Variants in SNTG1 observed in about 807,000 individuals in gnomAD.
SNTG1 encodes syntrophin gamma 1.
Under a neutral mutation model 74.7 loss-of-function variants are expected in SNTG1, and 39 were observed. That is an observed-to-expected ratio of 0.52 (90% CI 0.40 to 0.68). The LOEUF is 0.68. Ranked by LOEUF, SNTG1 falls within the 30% of genes least tolerant of loss-of-function variation. SNTG1 has a pLI of 0.00. For missense variants in SNTG1, 685 were observed against 609.5 expected, an observed-to-expected ratio of 1.12 and a Z score of -1.30; for synonymous variants, 254 against 217.1, an observed-to-expected ratio of 1.17 and a Z score of -1.49.
intron 1 of SNTG1, among the ~76,000 whole-genome samples, chr8:49,950,688 A>G (rs1809622719): frequency 6.6e-6 from 1 of 152,170 alleles, no homozygotes; most frequent in Non-Finnish European, 1.5e-5. Flanking sequence ...TAAAAGTAAT[A>G]TGTTGTGTAT....
intron 2 of SNTG1, among the ~76,000 whole-genome samples, chr8:50,219,945 A>T (rs565116160): frequency 5.6e-4 from 85 of 152,340 alleles, no homozygotes; most frequent in African/African-American, 1.8e-3. Flanking sequence ...CAAACATGAA[A>T]GTTTAATTCA....
intron 9 of SNTG1, among the ~76,000 whole-genome samples, chr8:50,520,847 T>C (rs2094173553): frequency 6.6e-6 from 1 of 152,148 alleles, no homozygotes. Context: ...GTTCAACCAT[T>C]GTGAAAGATA....
Position 50,792,814 on chromosome 8 carries a change from A to G in SNTG1, c.1539A>G (p.Ala513=), listed in dbSNP as rs540092501. ...TAASSATTSK[A]KYTT ...CCAGCTCTGCTACCACGAGCAAAGC[A>G]AAGTATACAACTTGACATACTGAAC... The change falls in exon 19 of 19, where the codon GCA becomes GCG. Residue 513 remains alanine (A), a synonymous_variant. Transcript: ENST00000642720. 1.2e-5 allele frequency: 19 copies of G among 1,611,926 alleles called. No homozygotes were observed. The South Asian group carries it at 1.4e-4, about 12-fold the overall frequency.
chr8:50,029,090 C>T (rs543532633), intron 1 of SNTG1, among the ~76,000 whole-genome samples: 24 of 151,066 alleles, frequency 1.6e-4, no homozygotes, highest in African/African-American at 5.6e-4. Context: ...ATCTTATTAA[C>T]AAGATTTATT....
At chr8:50,403,248 G>A (rs2092828962) in intron 4 of SNTG1, among the ~76,000 whole-genome samples, 1 of 152,142 alleles carries the variant, frequency 6.6e-6, no homozygotes, top group Admixed American at 6.5e-5. Flanking sequence ...TTTAGTTGGT[G>A]GTGAATAATG....
rs1379785602 is a variant in SNTG1, at chr8:50,650,337, C to T, written c.850-6572C>T. Among the ~76,000 whole-genome samples the T allele has an allele frequency of 2.6e-5, 4 of 151,680 alleles. No homozygotes were observed. The East Asian group carries it at 5.8e-4, about 22-fold the overall frequency. ...ATTTATTTAATTAATAAATTTAGACCTCATATAAAGAATGATTTAAATGTA... is the reference window on the plus strand; with the variant it reads ...ATTTATTTAATTAATAAATTTAGACTTCATATAAAGAATGATTTAAATGTA... On this transcript the variant is annotated intron_variant, in intron 13 of 18. Coordinates refer to ENST00000642720, the MANE Select transcript of SNTG1 (RefSeq NM_018967.5).
Position 50,656,830 on chromosome 8 carries a change from T to C in SNTG1, c.850-79T>C, listed in dbSNP as rs1352393173. The C allele has an allele frequency of 4.4e-6, 4 of 903,100 alleles. No homozygotes were observed. The African/African-American group carries it at 7.0e-5, about 16-fold the overall frequency. 55.9% of individuals were successfully genotyped at this position (903,100 alleles called of 1,614,324 possible). Reference sequence around the variant, plus strand: ...AAAAATACCTAAAATATTTTTAATATTTGCATCTAAATATTTTTAGATATA... The same window carrying C: ...AAAAATACCTAAAATATTTTTAATACTTGCATCTAAATATTTTTAGATATA... On this transcript the variant is annotated intron_variant, in intron 13 of 18. Transcript: ENST00000642720.
chr8:50,060,780 G>C (rs958416657), intron 1 of SNTG1, among the ~76,000 whole-genome samples: 1 of 151,932 alleles, frequency 6.6e-6, no homozygotes, highest in African/African-American at 2.4e-5. Context: ...GATATGTTTT[G>C]AGATTTGTTT....
Position 50,670,786 on chromosome 8 carries a change from C to A in SNTG1, c.1038+12123C>A, listed in dbSNP as rs1343273560. On this transcript the variant is annotated intron_variant, in intron 15 of 18. Transcript: ENST00000642720. The stretch of plus-strand genomic sequence containing the variant: ...CTGGAGGCATCACGCTACCTGACTT[C>A]AAACTATACTACAAGGCTACAGTAA... Among the ~76,000 whole-genome samples, 1,248 of 150,032 alleles carry A rather than the reference C, an allele frequency of 8.3e-3. 34 individuals are homozygous for A. Among genetic ancestry groups the A allele is most frequent in the African/African-American group, 0.029 (1,183 of 40,360 alleles).
chr8:50,064,449 C>T (rs1056939139), intron 1 of SNTG1, among the ~76,000 whole-genome samples: 1 of 152,192 alleles, frequency 6.6e-6, no homozygotes, highest in African/African-American at 2.4e-5. Context: ...TTTGTACATT[C>T]ATCTCCTAAT....
chr8:50,545,491 AATAT>A (rs60704745), intron 11 of SNTG1, among the ~76,000 whole-genome samples: 2 of 147,022 alleles, frequency 1.4e-5, no homozygotes, highest in Non-Finnish European at 3.0e-5. Context: ...ATGTTATATA[AATAT>A]ATATATATAT....
chr8:50,240,075 G>A (rs1052816021), intron 2 of SNTG1, among the ~76,000 whole-genome samples: 9 of 152,154 alleles, frequency 5.9e-5, no homozygotes, highest in African/African-American at 2.2e-4. Flanking sequence ...AGATATTGGG[G>A]TTAATGGAAA....
chr8:50,198,941 G>A (rs1420826456), intron 2 of SNTG1, among the ~76,000 whole-genome samples: 2 of 152,226 alleles, frequency 1.3e-5, no homozygotes, highest in African/African-American at 4.8e-5. Context: ...TGGTCACACT[G>A]TTTTTATTTT....
chr8:50,620,258 G>A (rs2094913138), intron 13 of SNTG1, among the ~76,000 whole-genome samples: 1 of 152,098 alleles, frequency 6.6e-6, no homozygotes, highest in Non-Finnish European at 1.5e-5. Context: ...AACTAGTGAC[G>A]TGGGGTGAGT....
chr8:50,347,923 T>C (rs1380719405), intron 2 of SNTG1, among the ~76,000 whole-genome samples: 1 of 152,224 alleles, frequency 6.6e-6, no homozygotes, highest in Non-Finnish European at 1.5e-5. Context: ...AGCCCAGCCC[T>C]CATGAGTCAT....
intron 4 of SNTG1, among the ~76,000 whole-genome samples, chr8:50,429,145 C>T (rs1019161747): frequency 1.3e-5 from 2 of 151,708 alleles, no homozygotes; most frequent in Non-Finnish European, 2.9e-5. Context: ...ACAAGCTGAT[C>T]CTAAAATTCA....
At chr8:50,148,869 G>T (rs538263124) in intron 1 of SNTG1, among the ~76,000 whole-genome samples, 1 of 152,320 alleles carries the variant, frequency 6.6e-6, no homozygotes, top group East Asian at 1.9e-4. Flanking sequence ...ACGTGTGCAT[G>T]TGCCTTGATA....
At chr8:50,477,695 T>C (rs905156141) in intron 8 of SNTG1, among the ~76,000 whole-genome samples, 3 of 152,156 alleles carry the variant, frequency 2.0e-5, no homozygotes, top group African/African-American at 7.2e-5. Context: ...AAGTGTACCA[T>C]AGTAATGAAG....
intron 13 of SNTG1, among the ~76,000 whole-genome samples, chr8:50,598,124 T>G (rs2094744442): frequency 6.6e-6 from 1 of 151,916 alleles, no homozygotes; most frequent in African/African-American, 2.4e-5. Context: ...TTTGAAGTCT[T>G]ATTTTAAAAA....
Sources: allele counts gnomAD v4.1 joint callset (sites outside exome capture counted in the v4.1 genomes callset), GRCh38; gene constraint gnomAD v4.1.1; transcripts MANE v1.5; gene names NCBI Gene and HGNC (gene_info 2026-07-23, HGNC 2026-07-21).